NR5A2: variants seen among roughly 807,000 people sequenced by gnomAD.
NR5A2 encodes CYP7A promoter-binding factor.
Under a neutral mutation model 62.7 loss-of-function variants are expected in NR5A2, and 26 were observed. The observed-to-expected ratio is 0.41, with a 90% confidence interval of 0.30 to 0.58. The LOEUF is 0.58. Ranked by LOEUF, NR5A2 falls within the 20% of genes least tolerant of loss-of-function variation. NR5A2 has a pLI of 0.22. For synonymous variants in NR5A2, 246 were observed against 241.7 expected, an observed-to-expected ratio of 1.02 and a Z score of -0.16; for missense variants, 541 against 669.1, an observed-to-expected ratio of 0.81 and a Z score of 2.11.
intron 1 of NR5A2, among the ~76,000 whole-genome samples, chr1:200,031,312 T>G (rs1199377403): frequency 6.6e-6 from 1 of 152,110 alleles, no homozygotes; most frequent in East Asian, 1.9e-4. Flanking sequence ...CAGACCAGCC[T>G]AGGCAACATA....
rs1654413151 is a variant in NR5A2, at chr1:200,176,227, T to A, written c.*2017T>A. ...CAACAAGGTGGAGTCTTACCTGGTT[T>A]TCCTTTCCAAGCATTGTAAATTGTA... On this transcript the variant is annotated 3_prime_UTR_variant, in exon 8 of 8. Coordinates refer to ENST00000367362, the MANE Select transcript of NR5A2 (RefSeq NM_205860.3). The A allele has an allele frequency of 6.6e-6, 1 of 152,650 alleles. No homozygotes were observed. The highest frequency in any genetic ancestry group is 1.5e-5 in the Non-Finnish European group (1 of 68,030). The allele number at this position is 152,650 out of a possible 1,614,324, so 9.5% of individuals were successfully genotyped here.
chr1:200,083,212 TGTG>T (rs1386890229), intron 5 of NR5A2, among the ~76,000 whole-genome samples: 1 of 152,194 alleles, frequency 6.6e-6, no homozygotes, highest in Non-Finnish European at 1.5e-5. Flanking sequence ...TACCTACAAA[TGTG>T]GTAGTCACAG....
intron 5 of NR5A2, among the ~76,000 whole-genome samples, chr1:200,085,099 T>C (rs571063041): frequency 6.6e-6 from 1 of 152,178 alleles, no homozygotes; most frequent in African/African-American, 2.4e-5. Flanking sequence ...TTCCGTCTAG[T>C]GGAGATAGGA....
At chr1:200,108,767 T>A (rs1168471235) in intron 5 of NR5A2, among the ~76,000 whole-genome samples, 1 of 152,180 alleles carries the variant, frequency 6.6e-6, no homozygotes, top group African/African-American at 2.4e-5. Context: ...GAGAATATAA[T>A]AAAACCCAGA....
chr1:200,144,317 T>A (rs1411474804), intron 7 of NR5A2, among the ~76,000 whole-genome samples: 1 of 151,680 alleles, frequency 6.6e-6, no homozygotes, highest in African/African-American at 2.4e-5. Flanking sequence ...GTGCCGTGGG[T>A]CTCCGGTCTG....
intron 5 of NR5A2, among the ~76,000 whole-genome samples, chr1:200,102,783 A>T (rs1482349300): frequency 6.6e-6 from 1 of 152,210 alleles, no homozygotes; most frequent in Non-Finnish European, 1.5e-5. Flanking sequence ...GCACAATCCA[A>T]ATCCATTAAT....
intron 5 of NR5A2, among the ~76,000 whole-genome samples, chr1:200,092,753 ATTC>A (rs1664876148): frequency 6.6e-6 from 1 of 150,748 alleles, no homozygotes; most frequent in Non-Finnish European, 1.5e-5. Flanking sequence ...CCATGGGTTT[ATTC>A]TTTTTCTTCT....
intron 6 of NR5A2, 35 bp downstream of exon 6, chr1:200,111,356 C>G: frequency 6.7e-7 from 1 of 1,496,746 alleles, no homozygotes; most frequent in Non-Finnish European, 9.1e-7. Flanking sequence ...AAAAAAGCAT[C>G]TTTTTATTAA....
intron 5 of NR5A2, among the ~76,000 whole-genome samples, chr1:200,104,945 G>A (rs903363527): frequency 6.6e-6 from 1 of 152,120 alleles, no homozygotes; most frequent in Non-Finnish European, 1.5e-5. Context: ...TTACAGGCGT[G>A]AACCACCATG....
At chr1:200,126,240 T>G (rs1258007300) in intron 7 of NR5A2, among the ~76,000 whole-genome samples, 3 of 152,210 alleles carry the variant, frequency 2.0e-5, no homozygotes, top group African/African-American at 7.2e-5. Context: ...TTGTGGCTAC[T>G]TTAAACTGTA....
chr1:200,113,992 C>T (rs934744757), intron 6 of NR5A2, among the ~76,000 whole-genome samples: 6 of 151,916 alleles, frequency 3.9e-5, no homozygotes, highest in African/African-American at 1.2e-4. Context: ...ACCAGCCTGG[C>T]GAACATGGTG....
intron 7 of NR5A2, among the ~76,000 whole-genome samples, chr1:200,159,932 C>A (rs567720548): frequency 6.6e-6 from 1 of 152,328 alleles, no homozygotes; most frequent in Non-Finnish European, 1.5e-5. Context: ...GGATTAGAGG[C>A]ATAAGCCACC....
intron 2 of NR5A2, among the ~76,000 whole-genome samples, chr1:200,041,543 G>A (rs1241327957): frequency 6.6e-6 from 1 of 152,196 alleles, no homozygotes; most frequent in Non-Finnish European, 1.5e-5. Context: ...ATGGTCCCGG[G>A]ACAGAGCAGC....
intron 5 of NR5A2, among the ~76,000 whole-genome samples, chr1:200,096,202 C>T (rs1665090181): frequency 6.6e-6 from 1 of 152,064 alleles, no homozygotes; most frequent in Non-Finnish European, 1.5e-5. Flanking sequence ...ATTCTCCTGC[C>T]TCAGCCTCCT....
At chr1:200,059,140 C>T (rs1479953059) in intron 5 of NR5A2, among the ~76,000 whole-genome samples, 2 of 151,836 alleles carry the variant, frequency 1.3e-5, no homozygotes, top group African/African-American at 4.8e-5. Context: ...TTAGAGGAGA[C>T]CATCGTAGGA....
At chr1:200,142,173 T>G (rs921634071) in intron 7 of NR5A2, among the ~76,000 whole-genome samples, 3 of 151,030 alleles carry the variant, frequency 2.0e-5, no homozygotes, top group Non-Finnish European at 4.4e-5. Flanking sequence ...TAATTGTTTT[T>G]TGTTTTAAAG....
intron 7 of NR5A2, among the ~76,000 whole-genome samples, chr1:200,164,383 G>A (rs993204592): frequency 6.6e-6 from 1 of 152,134 alleles, no homozygotes; most frequent in Non-Finnish European, 1.5e-5. Context: ...TAGCCTGAAG[G>A]GCTCTGACCA....
At chr1:200,095,787 T>G (rs572162809) in intron 5 of NR5A2, among the ~76,000 whole-genome samples, 1 of 151,934 alleles carries the variant, frequency 6.6e-6, no homozygotes, top group African/African-American at 2.4e-5. Context: ...CTCCTGACCT[T>G]GTGATCTGCC....
chr1:200,164,880 T>G (rs1380271227), intron 7 of NR5A2, among the ~76,000 whole-genome samples: 4 of 142,584 alleles, frequency 2.8e-5, no homozygotes, highest in African/African-American at 1.1e-4. Context: ...TTTTTTTTTT[T>G]TTTTTTTTTT....
Sources: gnomAD v4.1 joint callset for allele counts (sites outside exome capture counted in the v4.1 genomes callset) on GRCh38, gnomAD v4.1.1 for gene constraint, MANE v1.5 for transcripts, NCBI Gene and HGNC (gene_info 2026-07-23, HGNC 2026-07-21) for gene names.